ROBO1: variants seen among roughly 807,000 people sequenced by gnomAD.
The protein encoded by ROBO1 is roundabout homolog 1.
In ROBO1, 149 loss-of-function variants were observed where a neutral mutation model predicts 195.9. The ratio of observed to expected loss-of-function variants is 0.76; its 90% CI spans 0.67 to 0.87. The LOEUF (loss-of-function observed/expected upper bound fraction) is 0.87. Ranked by LOEUF, ROBO1 falls within the 40% of genes least tolerant of loss-of-function variation. The pLI is 0.00. For missense variants in ROBO1, 1,933 were observed against 2,068.3 expected, an observed-to-expected ratio of 0.93 and a Z score of 1.27; for synonymous variants, 816 against 733.2, an observed-to-expected ratio of 1.11 and a Z score of -1.82.
chr3:78,997,607 G>T (rs1350882814), intron 3 of ROBO1, among the ~76,000 whole-genome samples: 1 of 152,088 alleles, frequency 6.6e-6, no homozygotes, highest in Admixed American at 6.6e-5. Context: ...TCAAAATGTG[G>T]AGTGGAAGCA....
At chr3:79,242,459 T>C (rs2082537556) in intron 2 of ROBO1, among the ~76,000 whole-genome samples, 1 of 152,064 alleles carries the variant, frequency 6.6e-6, no homozygotes, top group Non-Finnish European at 1.5e-5. Flanking sequence ...GATAAATAAA[T>C]AGCATATGTT....
chr3:78,657,064 G>A, intron 18 of ROBO1, 34 bp downstream of exon 18: 1 of 1,554,256 alleles, frequency 6.4e-7, no homozygotes, highest in South Asian at 1.2e-5. Context: ...GGTAGAGTGA[G>A]AGATTGTCAA....
At chr3:79,714,807 A>G (rs1422874632) in intron 1 of ROBO1, among the ~76,000 whole-genome samples, 1 of 141,376 alleles carries the variant, frequency 7.1e-6, no homozygotes, top group East Asian at 2.1e-4. Context: ...ATGGGAACAC[A>G]TGGGCACAGA....
chr3:79,120,068 G>A (rs771382403), intron 3 of ROBO1, among the ~76,000 whole-genome samples: 19 of 152,060 alleles, frequency 1.2e-4, no homozygotes, highest in Non-Finnish European at 2.5e-4. Context: ...CACCATGCCC[G>A]GCTGTGATTC....
At chr3:78,744,970 C>T (rs1026199083) in intron 5 of ROBO1, among the ~76,000 whole-genome samples, 2 of 152,020 alleles carry the variant, frequency 1.3e-5, no homozygotes, top group Non-Finnish European at 2.9e-5. Flanking sequence ...ATGTAAGCTC[C>T]AGCAGAACAC....
At position 79,477,791 on chromosome 3, in the gene ROBO1, T is replaced by C. The variant is rs180769573; in HGVS notation, c.88+112033A>G. 2.5e-4 allele frequency among the ~76,000 whole-genome samples: 38 copies of C among 152,306 alleles called. No homozygotes were observed. The East Asian group carries it at 6.9e-3, about 28-fold the overall frequency. On this transcript the variant is annotated intron_variant, in intron 2 of 30. Coordinates refer to ENST00000464233, the MANE Select transcript of ROBO1 (RefSeq NM_002941.4). ...TTAAAAATCAAGTTTAGGTACATTA[T>C]GTAATTATTAAACAAGATTCATAAT...
chr3:79,515,728 C>G (rs1283300094), intron 2 of ROBO1, among the ~76,000 whole-genome samples: 1 of 152,038 alleles, frequency 6.6e-6, no homozygotes, highest in African/African-American at 2.4e-5. Context: ...GGTTCGTGAA[C>G]GTGAATATAG....
chr3:79,232,668 A>T (rs531555082), intron 2 of ROBO1, among the ~76,000 whole-genome samples: 1 of 152,272 alleles, frequency 6.6e-6, no homozygotes, highest in South Asian at 2.1e-4. Flanking sequence ...TCAACTTTCC[A>T]TCAGCCAACT....
intron 2 of ROBO1, among the ~76,000 whole-genome samples, chr3:79,555,113 T>A (rs1163370643): frequency 6.6e-6 from 1 of 152,080 alleles, no homozygotes; most frequent in Non-Finnish European, 1.5e-5. Context: ...TATGGTTTCA[T>A]GAGGAGTTTG....
chr3:79,018,205 G>A (rs1444107867), intron 3 of ROBO1, among the ~76,000 whole-genome samples: 1 of 152,206 alleles, frequency 6.6e-6, no homozygotes. Context: ...CAGGGGTGGA[G>A]GGGAGGTTTT....
At chr3:79,224,104 A>G (rs1027039535) in intron 2 of ROBO1, among the ~76,000 whole-genome samples, 2 of 152,226 alleles carry the variant, frequency 1.3e-5, no homozygotes, top group Non-Finnish European at 2.9e-5. Flanking sequence ...ACTCATTAGA[A>G]AAATCAGAAT....
rs755899429 is a variant in ROBO1 at position 78,895,824 on chromosome 3, A to G, written c.499+42777T>C. The stretch of plus-strand genomic sequence containing the variant: ...TTTAAAACAAAAATCTGGACACAAC[A>G]TTTGATGTATTTCAGATGACCTACT... On this transcript the variant is annotated intron_variant, in intron 4 of 30. Transcript: ENST00000464233. Among the ~76,000 whole-genome samples, 31 of 152,222 alleles carry G rather than the reference A, an allele frequency of 2.0e-4. 1 individual carries two copies. Among genetic ancestry groups the G allele is most frequent in the Admixed American group, 1.5e-3 (23 of 15,284 alleles).
intron 2 of ROBO1, among the ~76,000 whole-genome samples, chr3:79,178,876 T>C (rs79695773): frequency 0.14 from 21,048 of 152,164 alleles, 2,369 homozygotes; most frequent in African/African-American, 0.31. Flanking sequence ...GACTATGGCA[T>C]GCAGGCATAG....
At chr3:78,693,669 A>G (rs9812722) in intron 8 of ROBO1, among the ~76,000 whole-genome samples, 152,296 of 152,336 alleles carry the variant, frequency 1, 76,129 homozygotes, top group Middle Eastern at 1. Flanking sequence ...GCTACCAGAC[A>G]ACAGGTTAGA....
At chr3:78,655,477 A>G (rs1012938438) in intron 18 of ROBO1, among the ~76,000 whole-genome samples, 1 of 152,154 alleles carries the variant, frequency 6.6e-6, no homozygotes, top group Admixed American at 6.6e-5. Flanking sequence ...CCCATGATAA[A>G]GAGGCTAACC....
At chr3:78,884,644 AAAGAAAGGAAGGAAGGAAGGAAGGAAGG>A (rs2036410070) in intron 4 of ROBO1, among the ~76,000 whole-genome samples, 1 of 81,048 alleles carries the variant, frequency 1.2e-5, no homozygotes, top group African/African-American at 5.1e-5. Flanking sequence ...AGAAAGAAAG[AAAGAAAGGAAGGAAGGAAGGAAGGAAGG>A]AAGGAAGGAA....
chr3:79,157,943 C>T (rs1000259894), intron 2 of ROBO1, among the ~76,000 whole-genome samples: 1 of 151,878 alleles, frequency 6.6e-6, no homozygotes, highest in East Asian at 1.9e-4. Flanking sequence ...TATAGTGGTC[C>T]ATCATATGCA....
At chr3:79,445,997 T>C (rs1297233392) in intron 2 of ROBO1, among the ~76,000 whole-genome samples, 5 of 151,954 alleles carry the variant, frequency 3.3e-5, no homozygotes, top group African/African-American at 1.2e-4. Flanking sequence ...AGGGTTTCAC[T>C]CTGTCATCCA....
At chr3:78,699,874 C>A (rs1223531605) in intron 8 of ROBO1, among the ~76,000 whole-genome samples, 2 of 152,028 alleles carry the variant, frequency 1.3e-5, no homozygotes, top group Non-Finnish European at 2.9e-5. Flanking sequence ...AATTACTATT[C>A]AGTCTTTAGA....
Sources: allele counts gnomAD v4.1 joint callset (sites outside exome capture counted in the v4.1 genomes callset), GRCh38; gene constraint gnomAD v4.1.1; transcripts MANE v1.5; gene names NCBI Gene and HGNC (gene_info 2026-07-23, HGNC 2026-07-21).